The following KIF6 variants were observed in gnomAD, a reference collection of about 807,000 sequenced individuals.
KIF6 encodes kinesin family member 6.
KIF6 carries 106 observed loss-of-function variants against 112.7 expected under a neutral mutation model. That is an observed-to-expected ratio of 0.94 (90% CI 0.80 to 1.11). The LOEUF is 1.11. Ranked by LOEUF, KIF6 falls within the 50% of genes least tolerant of loss-of-function variation. The pLI, the probability that KIF6 is intolerant of heterozygous loss-of-function variation, is 0.00. For synonymous variants in KIF6, 339 were observed against 339.9 expected, an observed-to-expected ratio of 1.00 and a Z score of 0.03; for missense variants, 929 against 964.0, an observed-to-expected ratio of 0.96 and a Z score of 0.48.
chr6:39,345,851 G>A (rs1763671510), intron 20 of KIF6, 62 bp from the exon 21 acceptor site: 1 of 1,237,918 alleles, frequency 8.1e-7, no homozygotes, highest in Non-Finnish European at 1.2e-6. Context: ...AGGAAATTCA[G>A]GGTTTATATC....
At chr6:39,669,537 T>C (rs1786679372) in intron 3 of KIF6, among the ~76,000 whole-genome samples, 1 of 152,246 alleles carries the variant, frequency 6.6e-6, no homozygotes, top group Non-Finnish European at 1.5e-5. Flanking sequence ...TCAGTTTATT[T>C]TCTTTTGAAA....
At chr6:39,423,493 C>T (rs1340593333) in intron 14 of KIF6, among the ~76,000 whole-genome samples, 4 of 152,042 alleles carry the variant, frequency 2.6e-5, no homozygotes, top group African/African-American at 9.7e-5. Context: ...GTAGGCATTC[C>T]CTTTATGCCA....
intron 3 of KIF6, among the ~76,000 whole-genome samples, chr6:39,711,831 T>C (rs1789573499): frequency 6.6e-6 from 1 of 152,138 alleles, no homozygotes; most frequent in Non-Finnish European, 1.5e-5. Flanking sequence ...ATCTCCACAG[T>C]GGAAGTTGTA....
At position 39,397,488 on chromosome 6, in the gene KIF6, C is replaced by T. The variant is rs180952044; in HGVS notation, c.1811-11816G>A. 3.0e-3 allele frequency among the ~76,000 whole-genome samples: 461 copies of T among 152,136 alleles called. 1 individual carries two copies. The highest frequency in any genetic ancestry group is 6.8e-3 in the Middle Eastern group (2 of 294). ...GATGGACATCCCACCATTTTACAGA[C>T]GGTGCTTTTCAGGAGTGACATATTT... On this transcript the variant is annotated intron_variant, in intron 15 of 22. Coordinates refer to ENST00000287152, the MANE Select transcript of KIF6 (RefSeq NM_145027.6).
chr6:39,340,589 A>G (rs1388487656), intron 22 of KIF6, among the ~76,000 whole-genome samples: 1 of 152,208 alleles, frequency 6.6e-6, no homozygotes, highest in African/African-American at 2.4e-5. Flanking sequence ...TTGGCCCTGC[A>G]TGCCTTACAG....
intron 3 of KIF6, among the ~76,000 whole-genome samples, chr6:39,700,248 T>C (rs1788804839): frequency 6.6e-6 from 1 of 152,258 alleles, no homozygotes; most frequent in African/African-American, 2.4e-5. Context: ...TCTTATTCAT[T>C]CTTTCTATAA....
intron 18 of KIF6, among the ~76,000 whole-genome samples, chr6:39,359,434 T>A (rs1764958423): frequency 6.6e-6 from 1 of 152,098 alleles, no homozygotes; most frequent in South Asian, 2.1e-4. Flanking sequence ...ACCTAAATAT[T>A]CAGCGATAGG....
Position 39,714,693 on chromosome 6 carries a change from T to A in KIF6, c.250A>T (p.Ser84Cys), listed in dbSNP as rs1561954459. The change falls in exon 3 of 23, where the codon AGT (serine) becomes TGT (cysteine). Residue 84 changes from serine (S) to cysteine (C), a missense_variant and splice_region_variant. Ser to Cys is a moderately radical substitution (Grantham distance 112). Around this residue, in one of 2 missense-constraint regions of KIF6, gnomAD observed 688 missense variants for 662.7 expected, o/e 1.04. Transcript: ENST00000287152. ...TGAACAAAATATGGGAAATCCTACC[T>A]CCCAGCAACTGGTTTGGCAATGTTT... ...FENIAKPVAGSVLAGYNGTIF... is the reference protein window; with the variant it reads ...FENIAKPVAGCVLAGYNGTIF... The A allele has an allele frequency of 6.2e-7, 1 of 1,612,484 alleles. No homozygotes were observed. The highest frequency in any genetic ancestry group is 8.5e-7 in the Non-Finnish European group (1 of 1,178,732).
intron 2 of KIF6, 62 bp downstream of exon 2, chr6:39,720,640 T>C (rs1047152115): frequency 2.4e-6 from 2 of 836,052 alleles, no homozygotes; most frequent in African/African-American, 3.4e-5. Context: ...TGAATATTAA[T>C]GCAGTACAAG....
chr6:39,373,907 C>T (rs1162018831), intron 16 of KIF6, among the ~76,000 whole-genome samples: 1 of 152,064 alleles, frequency 6.6e-6, no homozygotes, highest in Non-Finnish European at 1.5e-5. Context: ...CCACAAAAGA[C>T]CTTCAATAGT....
chr6:39,711,339 C>G (rs138579987), intron 3 of KIF6, among the ~76,000 whole-genome samples: 1 of 148,278 alleles, frequency 6.7e-6, no homozygotes, highest in Admixed American at 6.7e-5. Context: ...GCATGGACAT[C>G]TTTTCAACAA....
chr6:39,527,999 G>A (rs1777829056), intron 13 of KIF6, among the ~76,000 whole-genome samples: 1 of 152,072 alleles, frequency 6.6e-6, no homozygotes, highest in African/African-American at 2.4e-5. Context: ...TACTCTGTCA[G>A]CAATTTTGAA....
intron 22 of KIF6, among the ~76,000 whole-genome samples, chr6:39,339,028 A>G (rs1474993670): frequency 1.1e-4 from 16 of 152,142 alleles, no homozygotes; most frequent in African/African-American, 3.9e-4. Flanking sequence ...AGCTCCTTAC[A>G]TGCACAGACC....
chr6:39,374,170 C>A (rs994866414), intron 16 of KIF6, among the ~76,000 whole-genome samples: 3 of 152,090 alleles, frequency 2.0e-5, no homozygotes. Flanking sequence ...ACTGGATATC[C>A]ACATGCTCAA....
intron 3 of KIF6, among the ~76,000 whole-genome samples, chr6:39,693,368 C>T (rs937663945): frequency 6.6e-6 from 1 of 152,134 alleles, no homozygotes; most frequent in African/African-American, 2.4e-5. Context: ...AGTAACAAAA[C>T]CCCAGATTTT....
intron 13 of KIF6, among the ~76,000 whole-genome samples, chr6:39,504,205 C>T (rs116837031): frequency 0.023 from 3,522 of 152,232 alleles, 88 homozygotes; most frequent in African/African-American, 0.064. Flanking sequence ...ATTCAACAAA[C>T]ACAAATCAAT....
intron 4 of KIF6, among the ~76,000 whole-genome samples, chr6:39,639,172 A>G (rs1056290924): frequency 2.0e-5 from 3 of 152,130 alleles, no homozygotes; most frequent in Non-Finnish European, 4.4e-5. Flanking sequence ...AATAATTACA[A>G]CGGTATTTGT....
chr6:39,509,652 G>A (rs1776647045), intron 13 of KIF6, among the ~76,000 whole-genome samples: 1 of 152,138 alleles, frequency 6.6e-6, no homozygotes. Context: ...TCAAATTAAT[G>A]AAATAAAGCA....
chr6:39,417,706 TG>T (rs1770022674), intron 15 of KIF6, among the ~76,000 whole-genome samples: 1 of 146,524 alleles, frequency 6.8e-6, no homozygotes, highest in Non-Finnish European at 1.5e-5. Context: ...ACCACAGTTA[TG>T]GGGAATTTGT....
Sources: allele counts gnomAD v4.1 joint callset (sites outside exome capture counted in the v4.1 genomes callset), GRCh38; gene constraint gnomAD v4.1.1; regional missense constraint gnomAD v4.1.1; transcripts MANE v1.5; gene names NCBI Gene and HGNC (gene_info 2026-07-23, HGNC 2026-07-21).